The following NECTIN3 variants were observed in gnomAD, a reference collection of about 807,000 sequenced individuals.
NECTIN3 encodes the protein nectin-3.
NECTIN3 carries 8 observed loss-of-function variants against 49.4 expected under a neutral mutation model. The observed-to-expected ratio is 0.16, with a 90% confidence interval of 0.10 to 0.29. The LOEUF (loss-of-function observed/expected upper bound fraction) is 0.29, where lower values mean the gene tolerates loss of function less well. Among genes scored for constraint, NECTIN3 ranks in the 10% least tolerant of loss-of-function variants. The pLI, the probability that NECTIN3 is intolerant of heterozygous loss-of-function variation, is 1.00. For synonymous variants in NECTIN3, 277 were observed against 241.1 expected, an observed-to-expected ratio of 1.15 and a Z score of -1.38; for missense variants, 581 against 654.6, an observed-to-expected ratio of 0.89 and a Z score of 1.23.
rs771465802 is a variant in NECTIN3 at position 111,112,291 on chromosome 3, C to T, written c.422C>T (p.Ser141Phe). 1 of 1,613,812 alleles carries T rather than the reference C, an allele frequency of 6.2e-7. No homozygotes were observed. The highest frequency in any genetic ancestry group is 8.5e-7 in the Non-Finnish European group (1 of 1,179,844). ...ATITLHNIGF[S>F]DSGKYICKAV... is the part of the protein sequence containing the mutation. Reference sequence around the variant, plus strand: ...ATTACTCTGCATAACATAGGATTCTCTGATTCTGGAAAATACATCTGCAAA... The same window carrying T: ...ATTACTCTGCATAACATAGGATTCTTTGATTCTGGAAAATACATCTGCAAA... Residue 141 changes from serine to phenylalanine, a missense_variant, in exon 2 of 6, where the codon TCT (serine) becomes TTT (phenylalanine). By Grantham distance (155) the Ser-to-Phe change is radical (BLOSUM62 -2). This residue lies in a region of NECTIN3 where 234 missense variants were observed against 340.6 expected (regional missense o/e 0.69). Coordinates refer to ENST00000485303, the MANE Select transcript of NECTIN3 (RefSeq NM_015480.3).
At chr3:111,168,193 A>C (rs773278524) in intron 7 of NECTIN3, among the ~76,000 whole-genome samples, 1 of 152,170 alleles carries the variant, frequency 6.6e-6, no homozygotes, top group Non-Finnish European at 1.5e-5. Context: ...ACAAAGAGCT[A>C]TGGTAATACA....
chr3:111,077,425 G>A (rs1000610303), intron 1 of NECTIN3: 3 of 210,550 alleles, frequency 1.4e-5, no homozygotes, highest in African/African-American at 4.6e-5. Context: ...TAGGCTTTCA[G>A]CCTAGGTTTT....
chr3:111,110,578 A>G (rs1045095322), intron 1 of NECTIN3, among the ~76,000 whole-genome samples: 2 of 152,022 alleles, frequency 1.3e-5, no homozygotes, highest in African/African-American at 4.8e-5. Flanking sequence ...ATTTGTTTAT[A>G]AAGTACCAAG....
rs2033498600 is a variant in NECTIN3, at chr3:111,112,173, G to C, written c.304G>C (p.Val102Leu). The C allele has an allele frequency of 6.2e-7, 1 of 1,613,758 alleles. No homozygotes were observed. Among genetic ancestry groups the C allele is most frequent in the Non-Finnish European group, 8.5e-7 (1 of 1,179,900 alleles). Reference protein sequence around the residue: ...EKIHGKSSQTVAVHHPQYGFS... With the variant: ...EKIHGKSSQTLAVHHPQYGFS... The stretch of plus-strand genomic sequence containing the variant: ...GATACATGGCAAAAGTTCACAGACT[G>C]TTGCAGTTCACCATCCCCAATATGG... The change falls in exon 2 of 6, where the codon GTT (valine) becomes CTT (leucine). Residue 102 changes from valine to leucine, a missense_variant. Physicochemically the swap from Val to Leu is conservative, Grantham distance 32 (BLOSUM62 1). This residue lies in a region of NECTIN3 where 234 missense variants were observed against 340.6 expected (regional missense o/e 0.69). Coordinates refer to ENST00000485303, the MANE Select transcript of NECTIN3 (RefSeq NM_015480.3).
chr3:111,125,091 C>A (rs2034111116), intron 4 of NECTIN3, among the ~76,000 whole-genome samples: 1 of 137,468 alleles, frequency 7.3e-6, no homozygotes. Flanking sequence ...TGCAGTAGTG[C>A]CATCTCGTCT....
rs896115871 is a variant in NECTIN3 at position 111,124,740 on chromosome 3, C to G, written c.918-1444C>G. On this transcript the variant is annotated intron_variant, in intron 4 of 5. Coordinates refer to ENST00000485303, the MANE Select transcript of NECTIN3 (RefSeq NM_015480.3). ...GCAAAACAAAATTATTCTATCTGTT[C>G]TTCAGTGTTGATTTGCTTCTTTCCA... Among the ~76,000 whole-genome samples the G allele has an allele frequency of 3.3e-4, 50 of 152,236 alleles. 1 individual carries two copies. The highest frequency in any genetic ancestry group is 1.2e-3 in the African/African-American group (48 of 41,572).
intron 7 of NECTIN3, among the ~76,000 whole-genome samples, chr3:111,186,025 C>T (rs973036144): frequency 2.6e-5 from 4 of 151,928 alleles, no homozygotes; most frequent in African/African-American, 9.7e-5. Context: ...AATTAAATAA[C>T]ATATTCATTA....
chr3:111,084,779 A>T (rs909791868), intron 1 of NECTIN3, among the ~76,000 whole-genome samples: 2 of 152,222 alleles, frequency 1.3e-5, no homozygotes, highest in Admixed American at 6.5e-5. Flanking sequence ...GAGTTTTCAG[A>T]CAGATGGGAA....
chr3:111,113,282 T>C (rs992249125), intron 2 of NECTIN3, among the ~76,000 whole-genome samples: 4 of 152,146 alleles, frequency 2.6e-5, no homozygotes, highest in African/African-American at 9.7e-5. Context: ...AATATGACCA[T>C]TGGCCTGAAT....
At chr3:111,192,653 T>G (rs1291767685) in intron 1 of NECTIN3, among the ~76,000 whole-genome samples, 1 of 152,128 alleles carries the variant, frequency 6.6e-6, no homozygotes, top group South Asian at 2.1e-4. Context: ...GTTCATTTTA[T>G]AGGTGCTAGC....
At chr3:111,120,270 C>A (rs990808767) in intron 3 of NECTIN3, among the ~76,000 whole-genome samples, 1 of 151,606 alleles carries the variant, frequency 6.6e-6, no homozygotes, top group Non-Finnish European at 1.5e-5. Flanking sequence ...TGAATGAAAT[C>A]TTAGATATAT....
At chr3:111,124,049 G>C (rs1156531094) in intron 4 of NECTIN3, among the ~76,000 whole-genome samples, 3 of 152,084 alleles carry the variant, frequency 2.0e-5, no homozygotes, top group Non-Finnish European at 4.4e-5. Context: ...GATTTTATGG[G>C]AGTTAGGAAG....
intron 2 of NECTIN3, among the ~76,000 whole-genome samples, chr3:111,115,180 C>G (rs893482745): frequency 6.6e-6 from 1 of 152,146 alleles, no homozygotes; most frequent in Non-Finnish European, 1.5e-5. Context: ...GCCAAGTGTC[C>G]TCAAGAGGGG....
At chr3:111,139,596 T>A (rs2034689240), downstream of NECTIN3, among the ~76,000 whole-genome samples, 3 of 151,806 alleles carry the variant, frequency 2.0e-5, no homozygotes, top group Admixed American at 6.6e-5. Flanking sequence ...TGCCATTTGG[T>A]GCTCGATGCC....
At chr3:111,107,659 GC>G (rs1016644819) in intron 1 of NECTIN3, among the ~76,000 whole-genome samples, 2 of 152,072 alleles carry the variant, frequency 1.3e-5, no homozygotes. Flanking sequence ...GGACCTTTCT[GC>G]TCTCCAGTTA....
chr3:111,135,012 C>T lies in NECTIN3; in HGVS notation c.*797C>T. ...CCTTTCTGGAACATGGATTTTGGTACATTAGCAGTAGCCTTATTTTAATGC... is the reference window on the plus strand; with the variant it reads ...CCTTTCTGGAACATGGATTTTGGTATATTAGCAGTAGCCTTATTTTAATGC... On this transcript the variant is annotated 3_prime_UTR_variant, in exon 6 of 6. Coordinates refer to ENST00000485303, the MANE Select transcript of NECTIN3 (RefSeq NM_015480.3). 2.0e-6 allele frequency: 2 copies of T among 977,886 alleles called. No homozygotes were observed. The highest frequency in any genetic ancestry group is 2.4e-6 in the Non-Finnish European group (2 of 823,742). 60.6% of individuals were successfully genotyped at this position (977,886 alleles called of 1,614,324 possible).
At position 111,158,660 on chromosome 3, in the gene NECTIN3, T is replaced by C. The variant is rs370276814; in HGVS notation, c.1221+11176T>C. 5.3e-5 allele frequency among the ~76,000 whole-genome samples: 8 copies of C among 152,242 alleles called. No individual in the cohort carries two copies. The Middle Eastern group carries it at 0.01, about 194-fold the overall frequency. ...TTGAGATATGAACTGCATGTATGAT[T>C]GTTAAACCATGTGTGCATGTTCACA... On this transcript the variant is annotated intron_variant, in intron 7 of 8. Coordinates refer to the NECTIN3 transcript ENST00000493615.
chr3:111,121,355 A>G (rs867828086), intron 3 of NECTIN3, among the ~76,000 whole-genome samples: 1 of 152,118 alleles, frequency 6.6e-6, no homozygotes, highest in Non-Finnish European at 1.5e-5. Flanking sequence ...GGCACTTATT[A>G]GGAGCTAAAC....
chr3:111,175,253 C>T (rs2035506134), intron 7 of NECTIN3, among the ~76,000 whole-genome samples: 1 of 151,664 alleles, frequency 6.6e-6, no homozygotes, highest in African/African-American at 2.4e-5. Context: ...TATATGGGTA[C>T]AGGATAGTGG....
Sources: gnomAD v4.1 joint callset for allele counts (sites outside exome capture counted in the v4.1 genomes callset) on GRCh38, gnomAD v4.1.1 for gene constraint, gnomAD v4.1.1 regional missense constraint, MANE v1.5 for transcripts, NCBI Gene and HGNC (gene_info 2026-07-23, HGNC 2026-07-21) for gene names.